The following SGSM3 variants were observed in gnomAD, a reference collection of about 807,000 sequenced individuals.
SGSM3 encodes the protein small G protein signaling modulator 3.
SGSM3 carries 96 observed loss-of-function variants against 100.5 expected under a neutral mutation model. The ratio of observed to expected loss-of-function variants is 0.96; its 90% confidence interval spans 0.81 to 1.13. The LOEUF is 1.13. Ranked by LOEUF, SGSM3 falls within the 50% of genes most tolerant of loss-of-function variation. SGSM3 has a pLI of 0.00. For missense variants in SGSM3, 1,001 were observed against 1,015.8 expected, an observed-to-expected ratio of 0.99 and a Z score of 0.20; for synonymous variants, 483 against 422.8, an observed-to-expected ratio of 1.14 and a Z score of -1.75.
intron 1 of SGSM3, chr22:40,378,195 T>A (rs1474985794): frequency 1.3e-5 from 2 of 151,440 alleles, no homozygotes; most frequent in Admixed American, 6.6e-5. Flanking sequence ...TTTGGGAGGC[T>A]GAGGCAGGAT....
rs377048772 is a variant in SGSM3 at position 40,406,243 on chromosome 22, C to T, written c.960+20C>T. 66 of 1,613,152 alleles carry T rather than the reference C, an allele frequency of 4.1e-5. No homozygotes were observed. The African/African-American group carries it at 6.3e-4, about 15-fold the overall frequency. On this transcript the variant is annotated intron_variant, in intron 9 of 21. Transcript: ENST00000248929. The stretch of plus-strand genomic sequence containing the variant: ...CTCAAGGTGCTCCACGGCCCCACTT[C>T]AGGCTGAGGAGTAGGCACCCGAGAT...
chr22:40,401,865 T>C (rs1368152644), intron 3 of SGSM3, among the ~76,000 whole-genome samples, 190 bp downstream of exon 3: 2 of 152,226 alleles, frequency 1.3e-5, no homozygotes. Context: ...CTCAGTATTA[T>C]AGGGACACAA....
chr22:40,408,938 G>C lies in SGSM3; in HGVS notation c.1908G>C (p.Val636=). 4 of 1,612,344 alleles carry C rather than the reference G, an allele frequency of 2.5e-6. No individual in the cohort carries two copies. Among genetic ancestry groups the C allele is most frequent in the Non-Finnish European group, 3.4e-6 (4 of 1,179,308 alleles). ...LTPEELLYRA[V]QSVNVTHDAV... is the part of the protein sequence containing the mutation. Reference sequence around the variant, plus strand: ...GCTGACGGTGCCGTTCCCAGGCTGTGCAGTCTGTGAACGTGACCCACGATG... The same window carrying C: ...GCTGACGGTGCCGTTCCCAGGCTGTCCAGTCTGTGAACGTGACCCACGATG... Residue 636 remains valine (V), a synonymous_variant, in exon 19 of 22, where the codon GTG becomes GTC. Transcript: ENST00000248929.
At position 40,405,751 on chromosome 22, in the gene SGSM3, C is replaced by G. The variant is rs1286580754; in HGVS notation, c.721C>G (p.Leu241Val). Residue 241 changes from leucine (L) to valine (V), a missense_variant, in exon 8 of 22, where the codon CTG (leucine) becomes GTG (valine). Leu to Val is a conservative substitution (Grantham distance 32). Coordinates refer to ENST00000248929, the MANE Select transcript of SGSM3 (RefSeq NM_015705.6). Reference protein sequence around the residue: ...LLPASYFSTTLLGVQTDQRVL... With the variant: ...LLPASYFSTTVLGVQTDQRVL... Reference sequence around the variant, plus strand: ...CCCCGCCTCCTACTTCAGCACCACCCTGCTGGGTGTCCAGACTGACCAGCG... The same window carrying G: ...CCCCGCCTCCTACTTCAGCACCACCGTGCTGGGTGTCCAGACTGACCAGCG... 4 of 1,613,700 alleles carry G rather than the reference C, an allele frequency of 2.5e-6. No individual in the cohort carries two copies. In the African/African-American group the frequency reaches 4.0e-5, roughly 16 times the overall value.
chr22:40,394,189 C>T (rs772576548), intron 1 of SGSM3, among the ~76,000 whole-genome samples: 16 of 152,218 alleles, frequency 1.1e-4, no homozygotes, highest in Non-Finnish European at 2.2e-4. Flanking sequence ...CTGTGAACTC[C>T]GTGCTTGTAA....
rs147282539 is a variant in SGSM3, at chr22:40,391,689, G to A, written c.-111-9007G>A. ...TCCAGAGCTTCCTTTGCCATGATTA[G>A]CCTATTGACTATGTTTATAATCCAG... On this transcript the variant is annotated intron_variant, in intron 1 of 21. Coordinates refer to ENST00000248929, the MANE Select transcript of SGSM3 (RefSeq NM_015705.6). Among the ~76,000 whole-genome samples the A allele has an allele frequency of 7.9e-5, 12 of 152,290 alleles. 1 individual carries two copies. In the East Asian group the frequency reaches 2.3e-3, roughly 29 times the overall value.
intron 1 of SGSM3, chr22:40,376,427 T>G (rs2046614108): frequency 6.6e-6 from 1 of 152,062 alleles, no homozygotes; most frequent in African/African-American, 2.4e-5. Context: ...TTGCTGTGAT[T>G]ACAGGTGCAT....
intron 1 of SGSM3, among the ~76,000 whole-genome samples, chr22:40,381,337 T>A (rs966181294): frequency 6.6e-6 from 1 of 152,026 alleles, no homozygotes; most frequent in Non-Finnish European, 1.5e-5. Flanking sequence ...TTTGTAGTGA[T>A]GAAGCCTCAC....
At position 40,409,378 on chromosome 22, in the gene SGSM3, G is replaced by A; in HGVS notation, c.2111+6G>A. ...CAGATCAAGTGTGAGCTCCGGTGAG[G>A]ACCTTACTGGGCTTGGGGGATGGAG... On this transcript the variant is annotated splice_donor_region_variant and intron_variant, in intron 20 of 21. Coordinates refer to ENST00000248929, the MANE Select transcript of SGSM3 (RefSeq NM_015705.6). 6.3e-7 allele frequency: 1 copy of A among 1,593,952 alleles called. No individual in the cohort carries two copies. Among genetic ancestry groups the A allele is most frequent in the Non-Finnish European group, 8.6e-7 (1 of 1,168,846 alleles).
chr22:40,405,412 T>C, intron 7 of SGSM3, 128 bp downstream of exon 7: 1 of 998,536 alleles, frequency 1.0e-6, no homozygotes, highest in Non-Finnish European at 1.4e-6. Context: ...AGGAGTGGCC[T>C]CCCACTCCGG....
intron 2 of SGSM3, 99 bp from the exon 3 acceptor site, chr22:40,401,494 C>T: frequency 1.1e-6 from 1 of 882,540 alleles, no homozygotes; most frequent in Non-Finnish European, 1.8e-6. Context: ...GATCTGCCCA[C>T]CTCGGCCTCC....
intron 19 of SGSM3, 112 bp downstream of exon 19, chr22:40,409,130 G>GTCCT: frequency 6.4e-7 from 1 of 1,553,984 alleles, no homozygotes; most frequent in Admixed American, 1.9e-5. Flanking sequence ...AGGGGCTCAG[G>GTCCT]TCCTTCCCCA....
chr22:40,404,254 T>G lies in SGSM3; in HGVS notation c.165T>G (p.Asp55Glu). Residue 55 changes from aspartate to glutamate, a missense_variant, in exon 5 of 22, where the codon GAT (aspartate) becomes GAG (glutamate). Transcript: ENST00000248929. ...FGFRVYKEEGDEPGSSLLANS... is the reference protein window; with the variant it reads ...FGFRVYKEEGEEPGSSLLANS... The stretch of plus-strand genomic sequence containing the variant: ...TTGGCTCTCTCTTGGCAGAAGGTGA[T>G]GAGCCTGGCTCCAGTCTGCTGGCGA... 1.3e-6 allele frequency: 2 copies of G among 1,512,518 alleles called. No individual in the cohort carries two copies. The highest frequency in any genetic ancestry group is 1.8e-6 in the Non-Finnish European group (2 of 1,130,158). 93.7% of individuals were successfully genotyped at this position (1,512,518 alleles called of 1,614,324 possible). A position where few individuals can be genotyped will look rare whatever the true frequency, so the allele number is the denominator to read the frequency against.
rs1384664908 is a variant in SGSM3, at chr22:40,405,590, C to A, written c.619-59C>A. 2.0e-6 allele frequency: 3 copies of A among 1,506,194 alleles called. No homozygotes were observed. The African/African-American group carries it at 4.1e-5, about 21-fold the overall frequency. 93.3% of individuals were successfully genotyped at this position (1,506,194 alleles called of 1,614,324 possible). A position where few individuals can be genotyped will look rare whatever the true frequency, so the allele number is the denominator to read the frequency against. The stretch of plus-strand genomic sequence containing the variant: ...AATTGGTCTCCCTAGGGTAGGGGCA[C>A]CTTTTCTAATCTGCACAAAGACCTG... On this transcript the variant is annotated intron_variant, in intron 7 of 21. Coordinates refer to ENST00000248929, the MANE Select transcript of SGSM3 (RefSeq NM_015705.6).
chr22:40,386,562 C>CTT (rs60319316), intron 1 of SGSM3, among the ~76,000 whole-genome samples: 978 of 68,350 alleles, frequency 0.014, 47 homozygotes, highest in African/African-American at 0.022. Flanking sequence ...AATTTTCTTA[C>CTT]TTTTTTTTTT....
chr22:40,396,552 C>A (rs2050065730), intron 1 of SGSM3, among the ~76,000 whole-genome samples: 1 of 143,254 alleles, frequency 7.0e-6, no homozygotes, highest in Non-Finnish European at 1.5e-5. Context: ...GAGATTGCGC[C>A]ACTGCACTCC....
chr22:40,384,003 C>G (rs1295958945), intron 1 of SGSM3, among the ~76,000 whole-genome samples: 2 of 152,180 alleles, frequency 1.3e-5, no homozygotes, highest in Admixed American at 1.3e-4. Context: ...AATCCTAACA[C>G]TTTGGGAGGC....
chr22:40,383,646 G>A (rs932973226), intron 1 of SGSM3, among the ~76,000 whole-genome samples: 3 of 152,164 alleles, frequency 2.0e-5, no homozygotes, highest in African/African-American at 7.2e-5. Flanking sequence ...ACAGAGGCAT[G>A]TTGAGACAGT....
chr22:40,409,430 T>C, intron 20 of SGSM3, 35 bp from the exon 21 acceptor site: 1 of 1,565,066 alleles, frequency 6.4e-7, no homozygotes, highest in Non-Finnish European at 8.7e-7. Flanking sequence ...TAGCTGGGGG[T>C]GACAAGAGCC....
Sources: allele counts gnomAD v4.1 joint callset (sites outside exome capture counted in the v4.1 genomes callset), GRCh38; gene constraint gnomAD v4.1.1; transcripts MANE v1.5; gene names NCBI Gene and HGNC (gene_info 2026-07-23, HGNC 2026-07-21).